The following DLG2 variants were observed in gnomAD, a reference collection of about 807,000 sequenced individuals.
DLG2 encodes discs large MAGUK scaffold protein 2.
In DLG2, 45 loss-of-function variants were observed where a neutral mutation model predicts 132.5. The observed-to-expected ratio is 0.34, with a 90% confidence interval of 0.27 to 0.44. DLG2 has a LOEUF of 0.44. DLG2 is among the 20% of genes least tolerant of loss of function. DLG2 has a pLI of 1.00. For missense variants in DLG2, 1,045 were observed against 1,196.9 expected, an observed-to-expected ratio of 0.87 and a Z score of 1.87; for synonymous variants, 424 against 419.6, an observed-to-expected ratio of 1.01 and a Z score of -0.13.
intron 7 of DLG2, among the ~76,000 whole-genome samples, chr11:84,373,585 GA>G (rs1028011509): frequency 2.1e-4 from 32 of 151,520 alleles, no homozygotes; most frequent in Non-Finnish European, 7.4e-5. Flanking sequence ...AAAAAAAAAA[GA>G]AAAGAAATAC....
chr11:83,499,851 A>ATATATG (rs1472187904), intron 21 of DLG2, among the ~76,000 whole-genome samples: 1 of 56,386 alleles, frequency 1.8e-5, no homozygotes, highest in Non-Finnish European at 3.3e-5. Context: ...CACTAATAGG[A>ATATATG]GATATATATA....
chr11:83,954,099 T>G (rs144822495), intron 14 of DLG2, among the ~76,000 whole-genome samples: 33 of 152,334 alleles, frequency 2.2e-4, no homozygotes, highest in South Asian at 1.7e-3. Flanking sequence ...GGCTAACTCA[T>G]GAGCACATAG....
At chr11:83,759,591 T>A (rs775709216) in intron 18 of DLG2, among the ~76,000 whole-genome samples, 4 of 152,170 alleles carry the variant, frequency 2.6e-5, no homozygotes, top group Non-Finnish European at 5.9e-5. Flanking sequence ...TTCAACAAAT[T>A]ACACTCATGC....
At chr11:84,251,869 A>C (rs2097381950) in intron 7 of DLG2, among the ~76,000 whole-genome samples, 1 of 151,710 alleles carries the variant, frequency 6.6e-6, no homozygotes, top group South Asian at 2.1e-4. Flanking sequence ...TGATCTCCTG[A>C]CCTTGTGATC....
intron 15 of DLG2, among the ~76,000 whole-genome samples, chr11:83,885,592 A>G (rs2067614492): frequency 6.6e-6 from 1 of 152,188 alleles, no homozygotes; most frequent in Admixed American, 6.5e-5. Flanking sequence ...CAGGAAATAC[A>G]GAGAACGCCA....
chr11:83,854,926 A>G (rs905643416), intron 16 of DLG2, among the ~76,000 whole-genome samples: 1 of 152,194 alleles, frequency 6.6e-6, no homozygotes, highest in African/African-American at 2.4e-5. Flanking sequence ...ATAAAGAACT[A>G]TTATTAAAAA....
chr11:85,480,357 G>A (rs2093257714), intron 3 of DLG2, among the ~76,000 whole-genome samples: 2 of 151,956 alleles, frequency 1.3e-5, no homozygotes, highest in African/African-American at 2.4e-5. Context: ...TCCATCAACA[G>A]GAGAAAACAC....
intron 9 of DLG2, among the ~76,000 whole-genome samples, chr11:84,124,575 G>A (rs12361193): frequency 6.6e-6 from 1 of 152,152 alleles, no homozygotes; most frequent in African/African-American, 2.4e-5. Context: ...CAAATGTTTA[G>A]TGAAGGATCT....
chr11:83,661,695 A>G (rs906090118), intron 18 of DLG2, among the ~76,000 whole-genome samples: 1 of 152,064 alleles, frequency 6.6e-6, no homozygotes, highest in Non-Finnish European at 1.5e-5. Context: ...GACAAGGGCT[A>G]CTGCAGTGCT....
intron 9 of DLG2, among the ~76,000 whole-genome samples, chr11:84,109,416 G>A (rs1338630274): frequency 2.0e-5 from 3 of 152,126 alleles, no homozygotes; most frequent in Admixed American, 2.0e-4. Flanking sequence ...TTAATTCAAG[G>A]GCATTGTGTG....
intron 6 of DLG2, among the ~76,000 whole-genome samples, chr11:84,820,610 T>G (rs899783314): frequency 6.6e-6 from 1 of 151,942 alleles, no homozygotes; most frequent in Non-Finnish European, 1.5e-5. Context: ...TGACATTCCC[T>G]GGACACCCAT....
intron 19 of DLG2, among the ~76,000 whole-genome samples, chr11:83,548,073 A>G (rs4494323): frequency 0.37 from 56,936 of 152,022 alleles, 10,787 homozygotes; most frequent in Middle Eastern, 0.47. Context: ...GAAGCATGTC[A>G]TTGGAAACTG....
At chr11:84,078,260 A>G (rs1326079063) in intron 10 of DLG2, among the ~76,000 whole-genome samples, 5 of 152,184 alleles carry the variant, frequency 3.3e-5, no homozygotes, top group Non-Finnish European at 5.9e-5. Flanking sequence ...AAACAGGTAG[A>G]TGGGAATGGG....
chr11:84,046,905 T>C (rs1007363549), intron 11 of DLG2, among the ~76,000 whole-genome samples: 4 of 151,704 alleles, frequency 2.6e-5, no homozygotes, highest in African/African-American at 4.8e-5. Context: ...ACAAAGTCTA[T>C]GTAGTACAGG....
chr11:85,479,787 G>C (rs977009313), intron 3 of DLG2, among the ~76,000 whole-genome samples: 7 of 152,164 alleles, frequency 4.6e-5, no homozygotes, highest in Non-Finnish European at 4.4e-5. Flanking sequence ...GGTTTCTCCT[G>C]AGAGTTGTGA....
intron 17 of DLG2, chr11:83,790,614 A>G: frequency 7.7e-7 from 1 of 1,304,338 alleles, no homozygotes; most frequent in Admixed American, 1.7e-5. Flanking sequence ...GTTCCTTTGG[A>G]TTTGATTATT....
At chr11:84,934,500 G>C (rs2048453807) in intron 6 of DLG2, among the ~76,000 whole-genome samples, 1 of 104,010 alleles carries the variant, frequency 9.6e-6, no homozygotes, top group South Asian at 3.1e-4. Flanking sequence ...GTATGGTCCT[G>C]GGTGTTTTTT....
chr11:84,547,101 A>G (rs2099391499), intron 6 of DLG2, among the ~76,000 whole-genome samples: 1 of 152,100 alleles, frequency 6.6e-6, no homozygotes. Flanking sequence ...ACCTCACAAG[A>G]TTTTTTAGAA....
At chr11:84,521,847 T>C (rs2154516963) in intron 7 of DLG2, among the ~76,000 whole-genome samples, 1 of 152,276 alleles carries the variant, frequency 6.6e-6, no homozygotes, top group East Asian at 1.9e-4. Context: ...TAAACTACCA[T>C]CAGAAACAAG....
Sources: gnomAD v4.1 joint callset for allele counts (sites outside exome capture counted in the v4.1 genomes callset) on GRCh38, gnomAD v4.1.1 for gene constraint, MANE v1.5 for transcripts, NCBI Gene and HGNC (gene_info 2026-07-23, HGNC 2026-07-21) for gene names.